Variants in HLCS observed in about 807,000 individuals in gnomAD.
The protein encoded by HLCS is holocarboxylase synthetase.
Under a neutral mutation model 75.0 loss-of-function variants are expected in HLCS, and 53 were observed. The ratio of observed to expected loss-of-function variants is 0.71; its 90% CI spans 0.57 to 0.89. The LOEUF (loss-of-function observed/expected upper bound fraction) is 0.89. Ranked by LOEUF, HLCS falls within the 40% of genes least tolerant of loss-of-function variation. The pLI is 0.00. For missense variants in HLCS, 966 were observed against 1,074.0 expected (o/e 0.90, Z 1.41); for synonymous variants, 431 against 428.6 (o/e 1.01, Z -0.07).
At chr21:36,918,077 C>A (rs1003451754) in intron 5 of HLCS, among the ~76,000 whole-genome samples, 1 of 152,166 alleles carries the variant, frequency 6.6e-6, no homozygotes, top group Non-Finnish European at 1.5e-5. Flanking sequence ...TCATTCCTTA[C>A]TTGCATAGAA....
chr21:36,874,175 C>T (rs545462894), intron 6 of HLCS, among the ~76,000 whole-genome samples: 5 of 152,174 alleles, frequency 3.3e-5, no homozygotes, highest in African/African-American at 1.2e-4. Flanking sequence ...CTTTCCCCAT[C>T]GGATTGCTTT....
intron 6 of HLCS, among the ~76,000 whole-genome samples, chr21:36,850,572 C>T (rs960498): frequency 0.049 from 7,425 of 152,242 alleles, 594 homozygotes; most frequent in African/African-American, 0.17. Context: ...GGGCATGGAC[C>T]ACACACGCAT....
At chr21:36,967,539 C>T (rs914144276), upstream of HLCS, among the ~76,000 whole-genome samples, 3 of 152,176 alleles carry the variant, frequency 2.0e-5, no homozygotes, top group Non-Finnish European at 4.4e-5. Context: ...GACACAGAGG[C>T]TTCTCCCATA....
intron 6 of HLCS, among the ~76,000 whole-genome samples, chr21:36,791,558 G>A (rs191839936): frequency 6.6e-6 from 1 of 152,152 alleles, no homozygotes; most frequent in Non-Finnish European, 1.5e-5. Flanking sequence ...CCTCACCTGC[G>A]ACTTTTCTCT....
At chr21:36,882,894 T>C (rs2064291861) in intron 6 of HLCS, among the ~76,000 whole-genome samples, 1 of 152,126 alleles carries the variant, frequency 6.6e-6, no homozygotes, top group African/African-American at 2.4e-5. Flanking sequence ...GGTACAGACT[T>C]CCCCATCATT....
intron 6 of HLCS, among the ~76,000 whole-genome samples, chr21:36,771,463 G>A (rs1316825685): frequency 1.3e-5 from 2 of 152,088 alleles, no homozygotes; most frequent in African/African-American, 2.4e-5. Flanking sequence ...CTCAGACAGG[G>A]ACACAAAATA....
Position 36,931,031 on chromosome 21 carries a change from C to T in HLCS, c.1438-598G>A, listed in dbSNP as rs534724679. 3.9e-5 allele frequency among the ~76,000 whole-genome samples: 6 copies of T among 152,280 alleles called. No homozygotes were observed. The East Asian group carries it at 1.2e-3, about 29-fold the overall frequency. ...GGGAGCGGTGGCTCACGCCTGTAAT[C>T]CCAGCACTTTGGGAAGCCAAGGCGG... On this transcript the variant is annotated intron_variant, in intron 4 of 10. Coordinates refer to ENST00000674895, the MANE Select transcript of HLCS (RefSeq NM_001352514.2).
intron 6 of HLCS, among the ~76,000 whole-genome samples, chr21:36,876,462 T>C (rs1032630391): frequency 6.6e-6 from 1 of 152,210 alleles, no homozygotes; most frequent in Non-Finnish European, 1.5e-5. Context: ...GTAGGTCTTA[T>C]GCAGTTTCAA....
At chr21:36,802,424 C>T (rs765443137) in intron 6 of HLCS, among the ~76,000 whole-genome samples, 3 of 152,240 alleles carry the variant, frequency 2.0e-5, no homozygotes, top group Non-Finnish European at 4.4e-5. Context: ...TAAACATTCT[C>T]TCCGTGGACA....
At chr21:36,781,943 C>T (rs2060547379) in intron 6 of HLCS, among the ~76,000 whole-genome samples, 2 of 152,006 alleles carry the variant, frequency 1.3e-5, no homozygotes, top group African/African-American at 2.4e-5. Flanking sequence ...AATAATCATA[C>T]ATTTTTCTTT....
chr21:36,903,941 GAGAA>G (rs1027817456), intron 5 of HLCS, among the ~76,000 whole-genome samples: 3 of 152,062 alleles, frequency 2.0e-5, no homozygotes, highest in African/African-American at 7.3e-5. Context: ...TTTATAAGAA[GAGAA>G]AGAAAGACCT....
chr21:36,866,686 A>G (rs2063567757), intron 6 of HLCS, among the ~76,000 whole-genome samples: 1 of 152,222 alleles, frequency 6.6e-6, no homozygotes, highest in Admixed American at 6.5e-5. Context: ...TGCTAAATCA[A>G]AAGGTAACTT....
At chr21:36,825,563 T>C (rs779329981) in intron 6 of HLCS, among the ~76,000 whole-genome samples, 4 of 152,310 alleles carry the variant, frequency 2.6e-5, no homozygotes, top group Middle Eastern at 3.4e-3. Context: ...GTTAGCCTTC[T>C]TGTTTCCATT....
At chr21:36,925,639 G>A (rs2066368706) in intron 5 of HLCS, among the ~76,000 whole-genome samples, 1 of 152,306 alleles carries the variant, frequency 6.6e-6, no homozygotes, top group East Asian at 1.9e-4. Context: ...CTCTGCAGGG[G>A]TGGAGGGTGG....
chr21:36,891,775 G>T (rs1347956800), intron 6 of HLCS, among the ~76,000 whole-genome samples: 1 of 152,188 alleles, frequency 6.6e-6, no homozygotes, highest in Non-Finnish European at 1.5e-5. Flanking sequence ...AAAGAATACA[G>T]ATTTGATTAG....
chr21:36,886,848 A>C (rs567838202), intron 6 of HLCS, among the ~76,000 whole-genome samples: 2 of 152,130 alleles, frequency 1.3e-5, no homozygotes, highest in Non-Finnish European at 2.9e-5. Context: ...AGCAGTCAGC[A>C]GGGTCTGGTG....
chr21:36,907,757 C>T (rs1003654237), intron 5 of HLCS, among the ~76,000 whole-genome samples: 3 of 152,226 alleles, frequency 2.0e-5, no homozygotes, highest in Admixed American at 2.0e-4. Flanking sequence ...AGACAAAGGA[C>T]TTGTATCCGG....
rs1028084705 is a variant in HLCS at position 36,749,938 on chromosome 21, A to G, written c.*4308T>C. Reference sequence around the variant, plus strand: ...ACAAGTGACAACGTGGACAGGCGTAACAGAGTGTGTATGTACTTGAAAATG... The same window carrying G: ...ACAAGTGACAACGTGGACAGGCGTAGCAGAGTGTGTATGTACTTGAAAATG... On this transcript the variant is annotated 3_prime_UTR_variant, in exon 11 of 11. Coordinates refer to ENST00000674895, the MANE Select transcript of HLCS (RefSeq NM_001352514.2). The G allele has an allele frequency of 6.6e-6, 1 of 152,264 alleles. No homozygotes were observed. Among genetic ancestry groups the G allele is most frequent in the Non-Finnish European group, 1.5e-5 (1 of 68,048 alleles). The allele number at this position is 152,264 out of a possible 1,614,324, so 9.4% of individuals were successfully genotyped here. A position where few individuals can be genotyped will look rare whatever the true frequency, so the allele number is the denominator to read the frequency against.
In HLCS at chr21:36,842,934, C is replaced by G. The variant is rs958023760; in HGVS notation, c.1892+53926G>C. ...TCCTCTCTCACCAATGATCTCTTTA[C>G]ATTTCTAAGCCTGGCATCTCTCTGT... On this transcript the variant is annotated intron_variant, in intron 6 of 10. Transcript: ENST00000674895. This position sits in a 1 kb window ranked among gnomAD's most constrained non-coding sequence, Gnocchi z 4.2. 6.6e-6 allele frequency among the ~76,000 whole-genome samples: 1 copy of G among 152,192 alleles called. No homozygotes were observed. The highest frequency in any genetic ancestry group is 6.5e-5 in the Admixed American group (1 of 15,288).
Sources: allele counts gnomAD v4.1 joint callset (sites outside exome capture counted in the v4.1 genomes callset), GRCh38; gene constraint gnomAD v4.1.1; non-coding constraint Gnocchi (gnomAD v3.1); transcripts MANE v1.5; gene names NCBI Gene and HGNC (gene_info 2026-07-23, HGNC 2026-07-21).